SLC24A3: variants seen among roughly 807,000 people sequenced by gnomAD.
SLC24A3 encodes the protein sodium/potassium/calcium exchanger 3.
SLC24A3 carries 28 observed loss-of-function variants against 75.8 expected under a neutral mutation model. That is an observed-to-expected ratio of 0.37 (90% CI 0.27 to 0.51). The LOEUF (loss-of-function observed/expected upper bound fraction) is 0.51. SLC24A3 is among the 20% of genes least tolerant of loss of function. The pLI is 0.94. For synonymous variants in SLC24A3, 372 were observed against 334.1 expected, an observed-to-expected ratio of 1.11 and a Z score of -1.24; for missense variants, 663 against 847.8, an observed-to-expected ratio of 0.78 and a Z score of 2.71.
chr20:19,703,971 A>C (rs144488949), intron 15 of SLC24A3, among the ~76,000 whole-genome samples: 5 of 152,326 alleles, frequency 3.3e-5, no homozygotes, highest in Admixed American at 2.0e-4. Flanking sequence ...ACCAGATGTC[A>C]TGCCTGTGTT....
chr20:19,533,995 G>C (rs1045257123), intron 3 of SLC24A3, among the ~76,000 whole-genome samples: 1 of 152,220 alleles, frequency 6.6e-6, no homozygotes, highest in African/African-American at 2.4e-5. Context: ...CAGAAGCCCT[G>C]GGGCAGTGGT....
intron 7 of SLC24A3, among the ~76,000 whole-genome samples, chr20:19,663,706 C>G (rs1217882014): frequency 6.6e-6 from 1 of 151,868 alleles, no homozygotes; most frequent in Non-Finnish European, 1.5e-5. Context: ...CCTCTTGACT[C>G]CAGGGTCATG....
chr20:19,628,851 A>G (rs2031899508), intron 6 of SLC24A3, among the ~76,000 whole-genome samples: 1 of 152,158 alleles, frequency 6.6e-6, no homozygotes, highest in Admixed American at 6.5e-5. Flanking sequence ...CAGAATCTCT[A>G]GTGGGGCTAA....
intron 3 of SLC24A3, among the ~76,000 whole-genome samples, chr20:19,535,504 C>G (rs938719987): frequency 5.9e-5 from 9 of 152,194 alleles, no homozygotes; most frequent in African/African-American, 1.9e-4. Context: ...GCAGGTCATA[C>G]TGAGGCCTAG....
chr20:19,331,100 A>C (rs569091197), intron 2 of SLC24A3, among the ~76,000 whole-genome samples: 1 of 152,334 alleles, frequency 6.6e-6, no homozygotes, highest in South Asian at 2.1e-4. Context: ...CCACACCTGA[A>C]TCAGATCCTG....
At chr20:19,575,731 A>C (rs533093539) in intron 3 of SLC24A3, among the ~76,000 whole-genome samples, 24 of 152,246 alleles carry the variant, frequency 1.6e-4, no homozygotes, top group Non-Finnish European at 3.2e-4. Flanking sequence ...GGCCAGCCCA[A>C]GCATTTTCAG....
At chr20:19,709,648 G>T (rs972184820) in intron 15 of SLC24A3, among the ~76,000 whole-genome samples, 2 of 152,034 alleles carry the variant, frequency 1.3e-5, no homozygotes, top group Non-Finnish European at 2.9e-5. Flanking sequence ...AGGCAGGAAA[G>T]GTCCAGATGC....
chr20:19,256,658 A>G (rs1244499190), intron 1 of SLC24A3, among the ~76,000 whole-genome samples: 2 of 151,696 alleles, frequency 1.3e-5, no homozygotes, highest in African/African-American at 4.8e-5. Flanking sequence ...AGTCCCAGCT[A>G]CTTAGGCGGC....
intron 7 of SLC24A3, 97 bp downstream of exon 7, chr20:19,654,233 G>A: frequency 1.8e-6 from 2 of 1,104,530 alleles, no homozygotes; most frequent in South Asian, 1.3e-5. Flanking sequence ...GAGGTCACCG[G>A]TGGCGAGTGC....
At chr20:19,604,831 C>T (rs549995229) in intron 6 of SLC24A3, among the ~76,000 whole-genome samples, 58 of 152,272 alleles carry the variant, frequency 3.8e-4, no homozygotes, top group African/African-American at 1.2e-3. Flanking sequence ...TTCAAAGCAC[C>T]CCACCTTCCC....
At chr20:19,445,719 A>G (rs1189610597) in intron 2 of SLC24A3, among the ~76,000 whole-genome samples, 1 of 152,130 alleles carries the variant, frequency 6.6e-6, no homozygotes, top group African/African-American at 2.4e-5. Flanking sequence ...GACATAGACA[A>G]AGTCAGCTCT....
intron 2 of SLC24A3, among the ~76,000 whole-genome samples, chr20:19,377,798 C>T (rs759465177): frequency 6.6e-6 from 1 of 152,184 alleles, no homozygotes; most frequent in Non-Finnish European, 1.5e-5. Context: ...TTTTCCTGTT[C>T]ACAGACCTGT....
intron 2 of SLC24A3, among the ~76,000 whole-genome samples, chr20:19,290,052 C>T (rs1001168383): frequency 6.6e-6 from 1 of 152,172 alleles, no homozygotes; most frequent in Non-Finnish European, 1.5e-5. Flanking sequence ...ACCACCACCA[C>T]CAGCAGCAGC....
intron 1 of SLC24A3, among the ~76,000 whole-genome samples, chr20:19,216,061 CT>C (rs1568559805): frequency 6.6e-6 from 1 of 152,198 alleles, no homozygotes; most frequent in African/African-American, 2.4e-5. Flanking sequence ...TGCAGACACT[CT>C]TTTCGGAGGC....
intron 2 of SLC24A3, among the ~76,000 whole-genome samples, chr20:19,458,314 T>G (rs1987614416): frequency 6.6e-6 from 1 of 152,314 alleles, no homozygotes; most frequent in Non-Finnish European, 1.5e-5. Flanking sequence ...TAAAAATTAT[T>G]TTTTAGCAGA....
intron 2 of SLC24A3, among the ~76,000 whole-genome samples, chr20:19,304,729 A>G (rs1156859100): frequency 6.6e-6 from 1 of 152,220 alleles, no homozygotes; most frequent in Non-Finnish European, 1.5e-5. Flanking sequence ...CAAGGGGGAA[A>G]AAAGCATGCA....
intron 2 of SLC24A3, among the ~76,000 whole-genome samples, chr20:19,317,005 C>A (rs1484185434): frequency 3.3e-5 from 5 of 151,996 alleles, no homozygotes; most frequent in African/African-American, 1.2e-4. Flanking sequence ...ACCCCTCTGA[C>A]AAAAGGCCAT....
chr20:19,570,086 G>A (rs1003265956), intron 3 of SLC24A3, among the ~76,000 whole-genome samples: 2 of 152,128 alleles, frequency 1.3e-5, no homozygotes, highest in African/African-American at 4.8e-5. Context: ...GGTTTAATTG[G>A]CTCACAGTTC....
rs189760707 is a variant in SLC24A3, at chr20:19,476,151, A to G, written c.272-39337A>G. Among the ~76,000 whole-genome samples the G allele has an allele frequency of 1.1e-3, 175 of 152,298 alleles. 2 individuals are homozygous for G. The highest frequency in any genetic ancestry group is 3.0e-3 in the African/African-American group (123 of 41,560). ...AGAGCTAGAGTCCTCTGCCTGCCCA[A>G]TGTCTTCCTTGCTGGTGTTGCAGCT... On this transcript the variant is annotated intron_variant, in intron 2 of 16. Transcript: ENST00000328041.
Sources: allele counts gnomAD v4.1 joint callset (sites outside exome capture counted in the v4.1 genomes callset), GRCh38; gene constraint gnomAD v4.1.1; transcripts MANE v1.5; gene names NCBI Gene and HGNC (gene_info 2026-07-23, HGNC 2026-07-21).